The following PLA1A variants were observed in gnomAD, a reference collection of about 807,000 sequenced individuals.
PLA1A encodes phosphatidylserine-specific phospholipase A1alpha.
Under a neutral mutation model 49.4 loss-of-function variants are expected in PLA1A, and 47 were observed. That is an observed-to-expected ratio of 0.95 (90% CI 0.75 to 1.21). PLA1A has a LOEUF of 1.21. Ranked by LOEUF, PLA1A falls within the 50% of genes most tolerant of loss-of-function variation. The pLI, the probability that PLA1A is intolerant of heterozygous loss-of-function variation, is 0.00. For missense variants in PLA1A, 561 were observed against 563.9 expected, an observed-to-expected ratio of 0.99 and a Z score of 0.05; for synonymous variants, 224 against 207.9, an observed-to-expected ratio of 1.08 and a Z score of -0.67.
At chr3:119,598,970 T>A (rs985290979) in intron 1 of PLA1A, among the ~76,000 whole-genome samples, 9 of 152,336 alleles carry the variant, frequency 5.9e-5, no homozygotes, top group African/African-American at 2.2e-4. Context: ...TAGTTGTCCC[T>A]AAAAGGTGAG....
In PLA1A at chr3:119,600,415, T is replaced by C. The variant is rs781533964; in HGVS notation, c.73+2429T>C. On this transcript the variant is annotated intron_variant, in intron 1 of 10. Transcript: ENST00000273371. ...CTTCCTCCATCTGGGGTAGGTGGTC[T>C]TTCTTTGTGTTCTCTCAGTACCTAT... The C allele has an allele frequency of 1.0e-5, 7 of 703,018 alleles. No individual in the cohort carries two copies. The South Asian group carries it at 1.0e-4, about 10-fold the overall frequency. The allele number at this position is 703,018 out of a possible 1,614,324, so 43.5% of individuals were successfully genotyped here. A position where few individuals can be genotyped will look rare whatever the true frequency, so the allele number is the denominator to read the frequency against.
chr3:119,613,754 G>C (rs1263254882), intron 5 of PLA1A, among the ~76,000 whole-genome samples: 1 of 152,146 alleles, frequency 6.6e-6, no homozygotes, highest in South Asian at 2.1e-4. Context: ...TTAGCCGGGC[G>C]TGGTGGCGGG....
chr3:119,619,237 G>T (rs187082684), intron 7 of PLA1A, among the ~76,000 whole-genome samples: 1 of 152,294 alleles, frequency 6.6e-6, no homozygotes, highest in East Asian at 1.9e-4. Context: ...CCCACTGCAC[G>T]GGATATAAAT....
At position 119,598,105 on chromosome 3, in the gene PLA1A, G is replaced by A. The variant is rs139259153; in HGVS notation, c.73+119G>A. On this transcript the variant is annotated intron_variant, in intron 1 of 10. Transcript: ENST00000273371. The stretch of plus-strand genomic sequence containing the variant: ...CTAAAAGCCTTTTGCCTCTTCTGAG[G>A]TGAATTTAAAACAGTAGGGGAAAAA... The A allele has an allele frequency of 1.7e-5, 10 of 574,952 alleles. 1 individual carries two copies. Among genetic ancestry groups the A allele is most frequent in the Admixed American group, 9.6e-5 (3 of 31,232 alleles). 35.6% of individuals were successfully genotyped at this position (574,952 alleles called of 1,614,324 possible).
chr3:119,616,156 A>G (rs1240965138), intron 6 of PLA1A, 55 bp downstream of exon 6: 18 of 1,129,192 alleles, frequency 1.6e-5, no homozygotes, highest in Non-Finnish European at 1.2e-5. Flanking sequence ...GAAATTCACC[A>G]ACAGCTTTTG....
intron 2 of PLA1A, among the ~76,000 whole-genome samples, chr3:119,608,237 A>AG (rs2082716607): frequency 3.3e-5 from 4 of 122,606 alleles, no homozygotes; most frequent in African/African-American, 1.2e-4. Context: ...AGAGAGAAAG[A>AG]AAGAGAGAAA....
chr3:119,628,553 A>G (rs2280580), intron 9 of PLA1A, 148 bp from the exon 10 acceptor site: 97,150 of 613,604 alleles, frequency 0.16, 9,049 homozygotes, highest in East Asian at 0.36. Flanking sequence ...GGGCTGGTGA[A>G]GGTGACACAA....
intron 9 of PLA1A, among the ~76,000 whole-genome samples, chr3:119,627,880 G>A (rs2052565443): frequency 6.6e-6 from 1 of 152,190 alleles, no homozygotes; most frequent in Non-Finnish European, 1.5e-5. Context: ...TTTGTCTCCA[G>A]TACCTAGTAC....
At chr3:119,616,135 C>T (rs551249603) in intron 6 of PLA1A, 34 bp downstream of exon 6, 2 of 1,400,784 alleles carry the variant, frequency 1.4e-6, no homozygotes, top group Non-Finnish European at 1.0e-6. Context: ...TATTTGGCAA[C>T]CCCGGAGATT....
At chr3:119,624,244 C>T (rs1240298773) in intron 8 of PLA1A, among the ~76,000 whole-genome samples, 2 of 152,146 alleles carry the variant, frequency 1.3e-5, no homozygotes, top group Non-Finnish European at 2.9e-5. Flanking sequence ...GGACAGATAC[C>T]GTGTTCACAC....
At chr3:119,618,622 G>T (rs376283088) in intron 7 of PLA1A, among the ~76,000 whole-genome samples, 5 of 152,326 alleles carry the variant, frequency 3.3e-5, no homozygotes, top group African/African-American at 1.2e-4. Context: ...GAGAGCTGGG[G>T]GGATGCCTAG....
chr3:119,619,559 C>T lies in PLA1A; in HGVS notation c.923-4C>T, dbSNP rs2082899320. ...CTCTGCTGTCTTTGCTTCTTTATTT[C>T]CAGGACTGGTGGAACAAGGTGGTGT... is the stretch of plus-strand genomic sequence containing the variant. On this transcript the variant is annotated splice_region_variant and splice_polypyrimidine_tract_variant and intron_variant, in intron 7 of 10. Transcript: ENST00000273371. 1 of 1,609,744 alleles carries T rather than the reference C, an allele frequency of 6.2e-7. No individual in the cohort carries two copies. Among genetic ancestry groups the T allele is most frequent in the African/African-American group, 1.3e-5 (1 of 74,910 alleles).
intron 5 of PLA1A, among the ~76,000 whole-genome samples, chr3:119,614,388 G>A (rs1377076364): frequency 6.6e-6 from 1 of 152,098 alleles, no homozygotes; most frequent in Non-Finnish European, 1.5e-5. Flanking sequence ...TGGATCACAA[G>A]GTCAGGAGAT....
At chr3:119,609,406 T>G (rs1316320821) in intron 3 of PLA1A, 62 bp from the exon 4 acceptor site, 3 of 1,022,496 alleles carry the variant, frequency 2.9e-6, no homozygotes, top group Non-Finnish European at 4.7e-6. Flanking sequence ...GGGGAAAGCC[T>G]GCCACTGTGA....
rs975418568 is a variant in PLA1A, at chr3:119,614,374, C to G, written c.664+1256C>G. ...ATCCCAGCACTTTGGGAGGCCAAGG[C>G]GGGTGGATCACAAGGTCAGGAGATC... On this transcript the variant is annotated intron_variant, in intron 5 of 10. Transcript: ENST00000273371. 1.3e-5 allele frequency among the ~76,000 whole-genome samples: 2 copies of G among 152,002 alleles called. 1 individual carries two copies. Among genetic ancestry groups the G allele is most frequent in the East Asian group, 3.9e-4 (2 of 5,190 alleles).
intron 8 of PLA1A, chr3:119,620,164 T>A (rs1482874350): frequency 1.1e-5 from 5 of 456,524 alleles, no homozygotes; most frequent in Non-Finnish European, 2.2e-5. Context: ...AAATGTGAAG[T>A]AAAAATGTGT....
intron 1 of PLA1A, among the ~76,000 whole-genome samples, chr3:119,601,393 T>G (rs2082616852): frequency 6.6e-6 from 1 of 152,104 alleles, no homozygotes; most frequent in Non-Finnish European, 1.5e-5. Context: ...GAAACATGGG[T>G]GTTACCAGGC....
rs567550160 is a variant in PLA1A at position 119,615,108 on chromosome 3, G to A, written c.665-904G>A. Reference sequence around the variant, plus strand: ...TAGGTCATTGCTTAACCTCCAGGTCGATGGCAGTAAGCAAATAATACACAA... The same window carrying A: ...TAGGTCATTGCTTAACCTCCAGGTCAATGGCAGTAAGCAAATAATACACAA... On this transcript the variant is annotated intron_variant, in intron 5 of 10. Transcript: ENST00000273371. 3.9e-5 allele frequency among the ~76,000 whole-genome samples: 6 copies of A among 152,328 alleles called. No individual in the cohort carries two copies. In the East Asian group the frequency reaches 5.8e-4, roughly 15 times the overall value.
At chr3:119,605,093 C>T (rs1377926038) in intron 1 of PLA1A, among the ~76,000 whole-genome samples, 1 of 152,198 alleles carries the variant, frequency 6.6e-6, no homozygotes, top group African/African-American at 2.4e-5. Context: ...TGCTGAAACA[C>T]AGTCTTTTCA....
Sources: allele counts gnomAD v4.1 joint callset (sites outside exome capture counted in the v4.1 genomes callset), GRCh38; gene constraint gnomAD v4.1.1; transcripts MANE v1.5; gene names NCBI Gene and HGNC (gene_info 2026-07-23, HGNC 2026-07-21).